Variants in NFYB observed in about 807,000 individuals in gnomAD.
NFYB encodes CAAT box DNA-binding protein subunit B.
In NFYB, 13 loss-of-function variants were observed where a neutral mutation model predicts 28.0. The observed-to-expected ratio is 0.46, with a 90% CI of 0.30 to 0.74. NFYB has a LOEUF of 0.74. Ranked by LOEUF, NFYB falls within the 30% of genes least tolerant of loss-of-function variation. The pLI is 0.07. For synonymous variants in NFYB, 74 were observed against 75.0 expected, an observed-to-expected ratio of 0.99 and a Z score of 0.07; for missense variants, 142 against 247.6, an observed-to-expected ratio of 0.57 and a Z score of 2.86.
In NFYB at chr12:104,117,879, CA is replaced by C. The variant is rs2030320277; in HGVS notation, c.*1857del. 1 of 152,170 alleles carries C rather than the reference CA, an allele frequency of 6.6e-6. No homozygotes were observed. Among genetic ancestry groups the C allele is most frequent in the Admixed American group, 6.5e-5 (1 of 15,282 alleles). The allele number at this position is 152,170 out of a possible 1,614,324, so 9.4% of individuals were successfully genotyped here. A position where few individuals can be genotyped will look rare whatever the true frequency, so the allele number is the denominator to read the frequency against. On this transcript the variant is annotated 3_prime_UTR_variant, in exon 8 of 8. Coordinates refer to ENST00000240055, the MANE Select transcript of NFYB (RefSeq NM_006166.4). ...CAAAAATACACTCATAACGAAGTAT[CA>C]AAAGCCTTAAAATTTTGCATATTTG... is the stretch of plus-strand genomic sequence containing the variant.
At chr12:104,122,317 T>C (rs1406723058) in intron 5 of NFYB, among the ~76,000 whole-genome samples, 3 of 152,240 alleles carry the variant, frequency 2.0e-5, no homozygotes, top group African/African-American at 7.2e-5. Context: ...ATACAAAGTC[T>C]GTGCCCTTAA....
At chr12:104,130,037 A>G (rs1009105325) in intron 2 of NFYB, among the ~76,000 whole-genome samples, 3 of 152,380 alleles carry the variant, frequency 2.0e-5, no homozygotes, top group African/African-American at 7.2e-5. Flanking sequence ...AAAGTAAATC[A>G]TAAGCCCTGA....
In NFYB at chr12:104,119,177, AATG is replaced by A. The variant is rs1423254626; in HGVS notation, c.*557_*559del. 6.6e-6 allele frequency: 1 copy of A among 152,436 alleles called. No individual in the cohort carries two copies. Among genetic ancestry groups the A allele is most frequent in the African/African-American group, 2.4e-5 (1 of 41,458 alleles). 9.4% of individuals were successfully genotyped at this position (152,436 alleles called of 1,614,324 possible). On this transcript the variant is annotated 3_prime_UTR_variant, in exon 8 of 8. Transcript: ENST00000240055. The stretch of plus-strand genomic sequence containing the variant: ...CTTATTCAATTACATTTTTTAAAAA[AATG>A]ATGCTGCTTAAACTATTAATGTTTT...
chr12:104,131,207 A>T (rs796818291), intron 2 of NFYB: 41 of 152,486 alleles, frequency 2.7e-4, no homozygotes, highest in African/African-American at 9.1e-4. Context: ...AGTGAAGATA[A>T]AAGTATTTCC....
intron 2 of NFYB, among the ~76,000 whole-genome samples, chr12:104,132,547 G>A (rs1032517912): frequency 1.3e-5 from 2 of 152,200 alleles, no homozygotes; most frequent in Non-Finnish European, 2.9e-5. Flanking sequence ...TTAGCATCAG[G>A]TCTGGGTGAG....
intron 2 of NFYB, chr12:104,131,667 A>C (rs2030926523): frequency 4.5e-6 from 2 of 448,228 alleles, no homozygotes; most frequent in South Asian, 1.6e-5. Flanking sequence ...CTAGGTCTAA[A>C]ACATCCTATA....
Position 104,122,941 on chromosome 12 carries a change from G to A in NFYB, c.429+285C>T, listed in dbSNP as rs1006852595. On this transcript the variant is annotated intron_variant, in intron 5 of 7. Transcript: ENST00000240055. ...TGTAATCCCAGCACTTTGGGAGGCC[G>A]AGGCAGGTGGATCACCTGAGGTCAG... 2.3e-4 allele frequency among the ~76,000 whole-genome samples: 35 copies of A among 152,124 alleles called. 1 individual carries two copies. Among genetic ancestry groups the A allele is most frequent in the Middle Eastern group, 6.8e-3 (2 of 294 alleles).
chr12:104,121,136 T>A lies in NFYB; in HGVS notation c.511+104A>T. On this transcript the variant is annotated intron_variant, in intron 6 of 7. Coordinates refer to ENST00000240055, the MANE Select transcript of NFYB (RefSeq NM_006166.4). Reference sequence around the variant, plus strand: ...AACTGATAAGAACTATTTAAAATAGTGCTTTGTCAAAATACTCACTGCTGA... The same window carrying A: ...AACTGATAAGAACTATTTAAAATAGAGCTTTGTCAAAATACTCACTGCTGA... The A allele has an allele frequency of 7.9e-6, 7 of 881,352 alleles. No individual in the cohort carries two copies. The South Asian group carries it at 1.1e-4, about 13-fold the overall frequency. 54.6% of individuals were successfully genotyped at this position (881,352 alleles called of 1,614,324 possible).
intron 7 of NFYB, 113 bp from the exon 8 acceptor site, chr12:104,119,882 T>C: frequency 1.5e-6 from 1 of 665,858 alleles, no homozygotes; most frequent in Non-Finnish European, 2.6e-6. Context: ...CTAATTCCCA[T>C]TTCTTGTGTA....
At chr12:104,131,864 GAAC>G (rs1424672066) in intron 2 of NFYB, 2 of 446,438 alleles carry the variant, frequency 4.5e-6, no homozygotes, top group Non-Finnish European at 9.0e-6. Flanking sequence ...AAGGGGTAGA[GAAC>G]AGAGCCTATT....
At chr12:104,137,777 G>A (rs1168131132) in intron 1 of NFYB, 1 of 147,514 alleles carries the variant, frequency 6.8e-6, no homozygotes, top group African/African-American at 2.4e-5. Flanking sequence ...CGCACAAAAT[G>A]GAGCCGGCCC....
At chr12:104,122,358 TAAAC>T (rs1279897401) in intron 5 of NFYB, among the ~76,000 whole-genome samples, 3 of 152,140 alleles carry the variant, frequency 2.0e-5, no homozygotes, top group East Asian at 1.9e-4. Context: ...TAGTTAGTAA[TAAAC>T]AAAGGGAAAA....
intron 1 of NFYB, 54 bp from the exon 2 acceptor site, chr12:104,135,586 C>T: frequency 4.4e-6 from 3 of 688,016 alleles, no homozygotes; most frequent in Non-Finnish European, 7.0e-6. Context: ...AAAAATACAT[C>T]AAATGTATCA....
chr12:104,126,383 C>T (rs2030715543), intron 3 of NFYB, 139 bp from the exon 4 acceptor site: 1 of 597,480 alleles, frequency 1.7e-6, no homozygotes, highest in South Asian at 5.6e-5. Context: ...TAGCAAGTCT[C>T]TTCATAATTT....
At position 104,126,174 on chromosome 12, in the gene NFYB, T is replaced by C. The variant is rs772907029; in HGVS notation, c.171A>G (p.Ile57Met). 6.8e-6 allele frequency: 11 copies of C among 1,607,150 alleles called. No individual in the cohort carries two copies. Among genetic ancestry groups the C allele is most frequent in the Non-Finnish European group, 4.2e-6 (5 of 1,177,108 alleles). Residue 57 changes from isoleucine (I) to methionine (M), a missense_variant, in exon 4 of 8, where the codon ATA becomes ATG. Ile to Met is a conservative substitution (Grantham distance 10, BLOSUM62 1). Transcript: ENST00000240055. ...TAGCCACGTTTGCTATTGGAAGATA[T>C]ATATCTTGTTCTCTGAAACTTTCTT... ...GSKESFREQDIYLPIANVARI... is the reference protein window; with the variant it reads ...GSKESFREQDMYLPIANVARI...
intron 4 of NFYB, among the ~76,000 whole-genome samples, chr12:104,124,767 G>C (rs2030617502): frequency 1.3e-5 from 2 of 152,192 alleles, no homozygotes; most frequent in African/African-American, 2.4e-5. Context: ...TGAGCACATG[G>C]CTTGTGGCTA....
chr12:104,126,612 C>T (rs915016981), intron 3 of NFYB, among the ~76,000 whole-genome samples: 4 of 151,888 alleles, frequency 2.6e-5, no homozygotes, highest in African/African-American at 9.7e-5. Flanking sequence ...TTTATTATTC[C>T]TCATTTCTCC....
intron 4 of NFYB, among the ~76,000 whole-genome samples, chr12:104,124,632 T>A (rs530808476): frequency 6.6e-6 from 1 of 152,216 alleles, no homozygotes; most frequent in Non-Finnish European, 1.5e-5. Context: ...ATTCTTACCA[T>A]TTAAACATAG....
chr12:104,131,482 G>T, intron 2 of NFYB: 1 of 263,378 alleles, frequency 3.8e-6, no homozygotes, highest in Non-Finnish European at 7.6e-6. Context: ...TAATCTTTCT[G>T]ATTTATCCTT....
Sources: gnomAD v4.1 joint callset for allele counts (sites outside exome capture counted in the v4.1 genomes callset) on GRCh38, gnomAD v4.1.1 for gene constraint, MANE v1.5 for transcripts, NCBI Gene and HGNC (gene_info 2026-07-23, HGNC 2026-07-21) for gene names.